The following ERG variants were observed in gnomAD, a reference collection of about 807,000 sequenced individuals.
ERG encodes ETS transcription factor ERG, also known as transcriptional regulator ERG.
In ERG, 9 loss-of-function variants were observed where a neutral mutation model predicts 55.3. That is an observed-to-expected ratio of 0.16 (90% CI 0.10 to 0.28). The LOEUF is 0.28. ERG is among the 10% of genes least tolerant of loss of function. The probability of loss-of-function intolerance (pLI) is 1.00; values close to 1 mark genes in which losing one functional copy is unlikely to be tolerated. For missense variants in ERG, 434 were observed against 631.6 expected (o/e 0.69, Z 3.35); for synonymous variants, 223 against 237.3 (o/e 0.94, Z 0.55).
At chr21:38,451,153 G>C (rs778744947) in intron 1 of ERG, 4 of 494,866 alleles carry the variant, frequency 8.1e-6, no homozygotes, top group South Asian at 1.5e-5. Flanking sequence ...GTAGAGGGAA[G>C]AGACAGAAGA....
At chr21:38,531,979 G>C (rs569889325) in intron 2 of ERG, among the ~76,000 whole-genome samples, 17 of 152,218 alleles carry the variant, frequency 1.1e-4, no homozygotes, top group African/African-American at 3.4e-4. Flanking sequence ...AAATAAAACT[G>C]ACAGAAGAAA....
At chr21:38,423,104 TGTGTGTGTG>T (rs1989622526) in intron 3 of ERG, among the ~76,000 whole-genome samples, 1 of 151,834 alleles carries the variant, frequency 6.6e-6, no homozygotes, top group African/African-American at 2.4e-5. Flanking sequence ...TGTGTGTGTG[TGTGTGTGTG>T]TGTGTGTGTG....
intron 1 of ERG, among the ~76,000 whole-genome samples, chr21:38,590,140 G>A (rs1057195682): frequency 6.6e-6 from 1 of 152,192 alleles, no homozygotes; most frequent in African/African-American, 2.4e-5. Context: ...CTATCCACAT[G>A]TTGAGTGTCC....
intron 2 of ERG, among the ~76,000 whole-genome samples, chr21:38,440,758 C>T (rs913177820): frequency 1.5e-4 from 20 of 134,234 alleles, no homozygotes; most frequent in African/African-American, 5.6e-4. Context: ...CATTGCATTC[C>T]AGCCTGGGTG....
chr21:38,550,194 A>T (rs999077859), intron 2 of ERG, among the ~76,000 whole-genome samples: 3 of 152,218 alleles, frequency 2.0e-5, no homozygotes, highest in Non-Finnish European at 4.4e-5. Context: ...AAGAAGGGCC[A>T]GCCCTCCTGG....
chr21:38,511,642 C>A (rs542332060), intron 2 of ERG, among the ~76,000 whole-genome samples: 20 of 152,328 alleles, frequency 1.3e-4, no homozygotes, highest in Admixed American at 1.2e-3. Context: ...TTTTAAGATA[C>A]ATCCCAATTT....
At chr21:38,409,235 G>A (rs1988924108) in intron 3 of ERG, among the ~76,000 whole-genome samples, 1 of 152,040 alleles carries the variant, frequency 6.6e-6, no homozygotes, top group African/African-American at 2.4e-5. Flanking sequence ...TGTAATCCCA[G>A]CACTTTGGGA....
intron 2 of ERG, among the ~76,000 whole-genome samples, chr21:38,427,329 C>T (rs992132790): frequency 6.6e-6 from 1 of 152,252 alleles, no homozygotes; most frequent in African/African-American, 2.4e-5. Context: ...TCTGCCTTGG[C>T]TTCCCAAGGT....
At chr21:38,585,900 GA>G (rs1459247624), upstream of ERG, among the ~76,000 whole-genome samples, 1 of 150,670 alleles carries the variant, frequency 6.6e-6, no homozygotes, top group Non-Finnish European at 1.5e-5. Flanking sequence ...ATTACTGGGG[GA>G]AAAAAATCAG....
intron 1 of ERG, among the ~76,000 whole-genome samples, chr21:38,482,505 C>T (rs2059246766): frequency 6.6e-6 from 1 of 152,070 alleles, no homozygotes; most frequent in Non-Finnish European, 1.5e-5. Context: ...CCAGCAATCC[C>T]TTTTCTGGGT....
At chr21:38,402,744 A>C in intron 4 of ERG, 107 bp from the exon 5 acceptor site, 2 of 810,428 alleles carry the variant, frequency 2.5e-6, no homozygotes, top group Non-Finnish European at 3.7e-6. Context: ...AAGAAAAAGA[A>C]AGAAAGAAAA....
At chr21:38,545,681 T>C (rs1023266007) in intron 2 of ERG, among the ~76,000 whole-genome samples, 2 of 152,222 alleles carry the variant, frequency 1.3e-5, no homozygotes, top group African/African-American at 4.8e-5. Context: ...ATAAACATGA[T>C]AGAGACCATC....
chr21:38,616,813 C>T (rs2060261980), intron 1 of ERG, among the ~76,000 whole-genome samples: 1 of 152,134 alleles, frequency 6.6e-6, no homozygotes, highest in Admixed American at 6.5e-5. Flanking sequence ...GATGCCCCTT[C>T]GTCCATGGGG....
intron 2 of ERG, among the ~76,000 whole-genome samples, chr21:38,562,369 T>C (rs1382380247): frequency 6.6e-5 from 10 of 152,174 alleles, no homozygotes; most frequent in Non-Finnish European, 2.9e-5. Flanking sequence ...CTTAGACAAA[T>C]GGGTCATGAC....
At chr21:38,392,236 T>C in intron 7 of ERG, 140 bp downstream of exon 7, 2 of 758,958 alleles carry the variant, frequency 2.6e-6, no homozygotes, top group Non-Finnish European at 4.6e-6. Flanking sequence ...GAAAGATCAA[T>C]TGTACTCTTG....
chr21:38,400,003 C>A, intron 6 of ERG: 1 of 207,344 alleles, frequency 4.8e-6, no homozygotes, highest in Admixed American at 5.3e-5. Context: ...TTACTGAAGC[C>A]TGGTTCATCT....
At chr21:38,422,111 A>G (rs1989570744) in intron 3 of ERG, among the ~76,000 whole-genome samples, 1 of 152,266 alleles carries the variant, frequency 6.6e-6, no homozygotes. Flanking sequence ...TGGCAGTCAC[A>G]GGTGGAGACG....
intron 2 of ERG, among the ~76,000 whole-genome samples, chr21:38,506,019 G>GT (rs967480074): frequency 1.6e-3 from 57 of 36,440 alleles, no homozygotes; most frequent in Middle Eastern, 0.023. Context: ...TGCAGAAATG[G>GT]TGTTTTTTTT....
chr21:38,390,528 G>A (rs1392789931), intron 9 of ERG, among the ~76,000 whole-genome samples: 1 of 152,146 alleles, frequency 6.6e-6, no homozygotes, highest in Non-Finnish European at 1.5e-5. Context: ...TTATGCAAAA[G>A]AGGCATTTGG....
Sources: allele counts gnomAD v4.1 joint callset (sites outside exome capture counted in the v4.1 genomes callset), GRCh38; gene constraint gnomAD v4.1.1; transcripts MANE v1.5; gene names NCBI Gene and HGNC (gene_info 2026-07-23, HGNC 2026-07-21).